Variants in TMEM132D observed in about 807,000 individuals in gnomAD.
The protein encoded by TMEM132D is mature OL transmembrane protein.
A neutral mutation model predicts 62.3 loss-of-function variants in TMEM132D; 21 were observed. The ratio of observed to expected loss-of-function variants is 0.34; its 90% CI spans 0.24 to 0.49. The LOEUF (loss-of-function observed/expected upper bound fraction) is 0.49. Among genes scored for constraint, TMEM132D ranks in the 20% least tolerant of loss-of-function variants. The pLI, the probability that TMEM132D is intolerant of heterozygous loss-of-function variation, is 0.99. For missense variants in TMEM132D, 1,346 were observed against 1,402.8 expected (o/e 0.96, Z 0.65); for synonymous variants, 621 against 575.6 (o/e 1.08, Z -1.13).
chr12:129,896,525 C>T (rs1002360440), intron 1 of TMEM132D, among the ~76,000 whole-genome samples: 2 of 152,130 alleles, frequency 1.3e-5, no homozygotes, highest in Admixed American at 6.6e-5. Flanking sequence ...GCTTTCCTGA[C>T]CAAAATGCAA....
chr12:129,224,585 A>C (rs1271774248), intron 4 of TMEM132D, among the ~76,000 whole-genome samples: 2 of 152,170 alleles, frequency 1.3e-5, no homozygotes, highest in Non-Finnish European at 2.9e-5. Flanking sequence ...ATAATATTTT[A>C]TTGTACTAGT....
rs542826978 is a variant in TMEM132D, at chr12:129,636,698, A to ATG, written c.968+63110_968+63111dup. 1.3e-3 allele frequency among the ~76,000 whole-genome samples: 137 copies of ATG among 107,944 alleles called. 1 individual carries two copies. Among genetic ancestry groups the ATG allele is most frequent in the South Asian group, 4.5e-3 (11 of 2,438 alleles). The allele number at this position is 107,944 out of a possible 152,430, so 70.8% of individuals were successfully genotyped here. A position where few individuals can be genotyped will look rare whatever the true frequency, so the allele number is the denominator to read the frequency against. On this transcript the variant is annotated intron_variant, in intron 2 of 8. Transcript: ENST00000422113. ...AATGACCAAGTAAATTCATACAGAA[A>ATG]TGTGTGTGTGTGTGTGTGTGTGTGT... is the stretch of plus-strand genomic sequence containing the variant.
intron 3 of TMEM132D, among the ~76,000 whole-genome samples, chr12:129,374,014 T>C (rs971442407): frequency 6.6e-6 from 1 of 152,120 alleles, no homozygotes; most frequent in Non-Finnish European, 1.5e-5. Flanking sequence ...ACATAATACA[T>C]AAATGAAAGA....
chr12:129,462,048 C>T (rs559275125), intron 3 of TMEM132D, among the ~76,000 whole-genome samples: 1 of 152,264 alleles, frequency 6.6e-6, no homozygotes, highest in Non-Finnish European at 1.5e-5. Context: ...ACAGAGCCAA[C>T]AGGCTGTGAG....
intron 1 of TMEM132D, among the ~76,000 whole-genome samples, chr12:129,735,664 A>G (rs895673994): frequency 4.0e-5 from 6 of 149,680 alleles, no homozygotes; most frequent in Non-Finnish European, 7.4e-5. Flanking sequence ...AAAGCCATAG[A>G]AAAAAAGAGC....
chr12:129,814,184 T>C (rs888238857), intron 1 of TMEM132D, among the ~76,000 whole-genome samples: 4 of 152,070 alleles, frequency 2.6e-5, no homozygotes, highest in African/African-American at 7.2e-5. Context: ...GTAGGTTGGA[T>C]TGGCAGTTAC....
At chr12:129,108,909 C>T (rs1370242475) in intron 5 of TMEM132D, among the ~76,000 whole-genome samples, 1 of 152,186 alleles carries the variant, frequency 6.6e-6, no homozygotes, top group Non-Finnish European at 1.5e-5. Context: ...GTCCACTTCC[C>T]AGCTCTCTAT....
At chr12:129,294,245 C>T (rs958851518) in intron 4 of TMEM132D, among the ~76,000 whole-genome samples, 3 of 152,132 alleles carry the variant, frequency 2.0e-5, no homozygotes, top group Non-Finnish European at 1.5e-5. Context: ...TATTGGTAAT[C>T]AATGGCTGGC....
intron 5 of TMEM132D, among the ~76,000 whole-genome samples, chr12:129,168,892 A>G (rs1266533829): frequency 6.6e-6 from 1 of 152,168 alleles, no homozygotes; most frequent in Non-Finnish European, 1.5e-5. Flanking sequence ...ATCACCATTT[A>G]AAGAAACAAA....
intron 3 of TMEM132D, among the ~76,000 whole-genome samples, chr12:129,506,175 C>T (rs969222612): frequency 1.3e-5 from 2 of 152,118 alleles, no homozygotes; most frequent in East Asian, 1.9e-4. Context: ...GGCTTTGTTT[C>T]AAGATTTAGA....
At chr12:129,205,390 A>C (rs1448600861) in intron 5 of TMEM132D, among the ~76,000 whole-genome samples, 3 of 146,790 alleles carry the variant, frequency 2.0e-5, no homozygotes, top group East Asian at 3.9e-4. Context: ...AAAAAAAAAA[A>C]AACTGACTTT....
chr12:129,749,752 A>G (rs1409903364), intron 1 of TMEM132D, among the ~76,000 whole-genome samples: 1 of 152,136 alleles, frequency 6.6e-6, no homozygotes, highest in African/African-American at 2.4e-5. Context: ...GGCATGAGCC[A>G]CCGCGCCTAG....
chr12:129,853,403 A>G (rs914815219), intron 1 of TMEM132D: 1 of 152,290 alleles, frequency 6.6e-6, no homozygotes, highest in African/African-American at 2.4e-5. Context: ...TCACGGGGCA[A>G]TGAACGAGGG....
At chr12:129,148,662 T>A (rs1247557069) in intron 5 of TMEM132D, among the ~76,000 whole-genome samples, 1 of 152,198 alleles carries the variant, frequency 6.6e-6, no homozygotes, top group Non-Finnish European at 1.5e-5. Flanking sequence ...TGTGCATTTT[T>A]AAAAAAGCCA....
At chr12:129,323,156 G>C (rs1868776043) in intron 4 of TMEM132D, among the ~76,000 whole-genome samples, 1 of 151,974 alleles carries the variant, frequency 6.6e-6, no homozygotes, top group African/African-American at 2.4e-5. Flanking sequence ...TCTACTGCAG[G>C]GAGGCCTTTC....
intron 5 of TMEM132D, among the ~76,000 whole-genome samples, chr12:129,114,975 C>A (rs1011711740): frequency 2.0e-5 from 3 of 152,160 alleles, no homozygotes; most frequent in Non-Finnish European, 2.9e-5. Flanking sequence ...GATAATGCTG[C>A]CATGAACCAT....
rs897025110 is a variant in TMEM132D at position 129,574,137 on chromosome 12, G to T, written c.969-42932C>A. Among the ~76,000 whole-genome samples, 4 of 151,976 alleles carry T rather than the reference G, an allele frequency of 2.6e-5. 1 individual carries two copies. The highest frequency in any genetic ancestry group is 9.7e-5 in the African/African-American group (4 of 41,240). On this transcript the variant is annotated intron_variant, in intron 2 of 8. Coordinates refer to ENST00000422113, the MANE Select transcript of TMEM132D (RefSeq NM_133448.3). ...AATTAGTGAGAGGCATGCTGAGATA[G>T]TTGGGTAGAGTATATTTATGCTTGC...
intron 4 of TMEM132D, among the ~76,000 whole-genome samples, chr12:129,327,155 C>T (rs1339228142): frequency 6.6e-6 from 1 of 152,148 alleles, no homozygotes. Flanking sequence ...GGACTTCTAT[C>T]TGACCTCCTC....
At chr12:129,582,288 G>T (rs1877887156) in intron 2 of TMEM132D, among the ~76,000 whole-genome samples, 1 of 152,214 alleles carries the variant, frequency 6.6e-6, no homozygotes, top group Admixed American at 6.5e-5. Flanking sequence ...TGGGTATTTG[G>T]CTTGTTTCTG....
Sources: allele counts gnomAD v4.1 joint callset (sites outside exome capture counted in the v4.1 genomes callset), GRCh38; gene constraint gnomAD v4.1.1; transcripts MANE v1.5; gene names NCBI Gene and HGNC (gene_info 2026-07-23, HGNC 2026-07-21).